Variants in NRXN1 observed in about 807,000 individuals in gnomAD.
NRXN1 encodes neurexin-1.
NRXN1 carries 39 observed loss-of-function variants against 150.9 expected under a neutral mutation model. The observed-to-expected ratio is 0.26, with a 90% confidence interval of 0.20 to 0.34. NRXN1 has a LOEUF of 0.34. Ranked by LOEUF, NRXN1 falls within the 10% of genes least tolerant of loss-of-function variation. NRXN1 has a pLI of 1.00. For missense variants in NRXN1, 1,815 were observed against 1,949.9 expected, an observed-to-expected ratio of 0.93 and a Z score of 1.30; for synonymous variants, 924 against 757.0, an observed-to-expected ratio of 1.22 and a Z score of -3.62.
At chr2:50,897,901 T>C (rs1377103815) in intron 5 of NRXN1, among the ~76,000 whole-genome samples, 2 of 152,086 alleles carry the variant, frequency 1.3e-5, no homozygotes, top group Non-Finnish European at 2.9e-5. Flanking sequence ...ATTTACTGTA[T>C]TCCTCCATAA....
chr2:50,268,767 C>G (rs375748102), intron 17 of NRXN1, among the ~76,000 whole-genome samples: 4 of 152,194 alleles, frequency 2.6e-5, no homozygotes, highest in African/African-American at 9.6e-5. Flanking sequence ...CTCCAGAGCT[C>G]CTTGTAGATA....
intron 5 of NRXN1, among the ~76,000 whole-genome samples, chr2:50,634,000 A>G (rs1363133275): frequency 2.6e-5 from 4 of 152,174 alleles, no homozygotes; most frequent in Admixed American, 2.0e-4. Context: ...ATCTGGACAA[A>G]GAATAGAAAG....
At chr2:50,145,327 T>C (rs1707846106) in intron 18 of NRXN1, among the ~76,000 whole-genome samples, 1 of 151,676 alleles carries the variant, frequency 6.6e-6, no homozygotes, top group African/African-American at 2.4e-5. Context: ...AATTGTTTTT[T>C]TTCCTGAACC....
intron 21 of NRXN1, among the ~76,000 whole-genome samples, chr2:50,009,446 G>T (rs1685292008): frequency 6.6e-6 from 1 of 152,108 alleles, no homozygotes; most frequent in Non-Finnish European, 1.5e-5. Context: ...TTACTTGCTG[G>T]AAAGGGACAC....
Position 51,027,614 on chromosome 2 carries a change from G to C in NRXN1, c.660C>G (p.Gly220=). 3 of 1,587,580 alleles carry C rather than the reference G, an allele frequency of 1.9e-6. No individual in the cohort carries two copies. The highest frequency in any genetic ancestry group is 2.6e-6 in the Non-Finnish European group (3 of 1,167,084). ...GGCACACCCCGCCCTCGCCCTCCTC[G>C]CCCGCCTCGCACGGGCTTCCCCCGC... ...NSGGGSPCEA[G]EEGEGGVCLN... Residue 220 remains glycine (G), a synonymous_variant, in exon 2 of 23, where the codon GGC becomes GGG. Transcript: ENST00000401669.
At chr2:50,057,965 G>A (rs1381485396) in intron 19 of NRXN1, among the ~76,000 whole-genome samples, 1 of 152,054 alleles carries the variant, frequency 6.6e-6, no homozygotes, top group Non-Finnish European at 1.5e-5. Flanking sequence ...TATTAGTAGG[G>A]AAAGGTTGGG....
intron 19 of NRXN1, among the ~76,000 whole-genome samples, chr2:50,078,379 A>C (rs556563959): frequency 9.3e-4 from 142 of 152,088 alleles, no homozygotes; most frequent in African/African-American, 3.3e-3. Flanking sequence ...TATTTCAAAA[A>C]AAAAAATCTT....
intron 19 of NRXN1, among the ~76,000 whole-genome samples, chr2:50,065,641 G>GTGATCCAGGAGATCAC (rs1242952732): frequency 6.6e-6 from 1 of 152,186 alleles, no homozygotes; most frequent in South Asian, 2.1e-4. Flanking sequence ...ACCTATAACA[G>GTGATCCAGGAGATCAC]TGGAGATCCC....
chr2:51,019,588 C>G (rs1669279972), intron 2 of NRXN1, among the ~76,000 whole-genome samples: 1 of 151,954 alleles, frequency 6.6e-6, no homozygotes. Context: ...GGTTGAACTA[C>G]CTGGTAATGC....
chr2:50,136,713 T>A (rs140408480), intron 18 of NRXN1, among the ~76,000 whole-genome samples: 1 of 152,218 alleles, frequency 6.6e-6, no homozygotes, highest in African/African-American at 2.4e-5. Flanking sequence ...TATGTGCAAA[T>A]TGAATATCAA....
intron 17 of NRXN1, among the ~76,000 whole-genome samples, chr2:50,246,141 T>C (rs1008989419): frequency 6.6e-6 from 1 of 151,974 alleles, no homozygotes; most frequent in East Asian, 1.9e-4. Flanking sequence ...CTTTAAAAGG[T>C]GTGAGGTATC....
At chr2:50,892,332 C>A (rs1234601514) in intron 5 of NRXN1, among the ~76,000 whole-genome samples, 3 of 152,072 alleles carry the variant, frequency 2.0e-5, no homozygotes, top group Non-Finnish European at 4.4e-5. Context: ...GTGATGCTTC[C>A]TTTATCAAAC....
At chr2:50,137,227 A>G (rs1216418399) in intron 18 of NRXN1, among the ~76,000 whole-genome samples, 1 of 152,186 alleles carries the variant, frequency 6.6e-6, no homozygotes, top group African/African-American at 2.4e-5. Flanking sequence ...TTTGTCAATT[A>G]TAAAAAGCCT....
At chr2:50,214,577 T>C (rs1335548314) in intron 18 of NRXN1, among the ~76,000 whole-genome samples, 2 of 151,978 alleles carry the variant, frequency 1.3e-5, no homozygotes, top group African/African-American at 2.4e-5. Flanking sequence ...TGCCTAGTTA[T>C]AAAACAGAAT....
chr2:50,691,530 T>C (rs1259078391), intron 5 of NRXN1, among the ~76,000 whole-genome samples: 1 of 152,198 alleles, frequency 6.6e-6, no homozygotes, highest in Non-Finnish European at 1.5e-5. Context: ...GTGGAAACAA[T>C]ACACATGAGC....
intron 18 of NRXN1, among the ~76,000 whole-genome samples, chr2:50,101,060 T>A (rs1048944330): frequency 1.3e-5 from 2 of 152,126 alleles, no homozygotes; most frequent in African/African-American, 4.8e-5. Context: ...TTTTCCAAAG[T>A]GTAATGAGCT....
intron 13 of NRXN1, among the ~76,000 whole-genome samples, chr2:50,503,401 A>AGTTAAT (rs1488194812): frequency 1.3e-5 from 2 of 152,092 alleles, no homozygotes; most frequent in Non-Finnish European, 2.9e-5. Context: ...ATAGAGGCCA[A>AGTTAAT]GTTAATGAAA....
chr2:50,418,959 A>G (rs1432763526), intron 17 of NRXN1, among the ~76,000 whole-genome samples: 5 of 151,980 alleles, frequency 3.3e-5, no homozygotes, highest in Non-Finnish European at 7.4e-5. Flanking sequence ...TTTAAATCAT[A>G]TTTTTATTGT....
At chr2:50,003,284 A>G (rs1028088024) in intron 21 of NRXN1, among the ~76,000 whole-genome samples, 3 of 152,114 alleles carry the variant, frequency 2.0e-5, no homozygotes, top group Non-Finnish European at 4.4e-5. Flanking sequence ...TTATAGAGCT[A>G]GTTACTTTCA....
Sources: gnomAD v4.1 joint callset for allele counts (sites outside exome capture counted in the v4.1 genomes callset) on GRCh38, gnomAD v4.1.1 for gene constraint, MANE v1.5 for transcripts, NCBI Gene and HGNC (gene_info 2026-07-23, HGNC 2026-07-21) for gene names.